Variants in ARMC9 observed in about 807,000 individuals in gnomAD.
ARMC9 encodes the protein armadillo repeat containing 9, also known as lisH domain-containing protein ARMC9.
Under a neutral mutation model 107.0 loss-of-function variants are expected in ARMC9, and 94 were observed. The observed-to-expected ratio is 0.88, with a 90% CI of 0.74 to 1.04. The LOEUF is 1.04. ARMC9 is among the 50% of genes least tolerant of loss of function. The probability of loss-of-function intolerance (pLI) is 0.00; values close to 1 mark genes in which losing one functional copy is unlikely to be tolerated. For synonymous variants in ARMC9, 380 were observed against 396.9 expected (o/e 0.96, Z 0.51); for missense variants, 942 against 1,030.1 (o/e 0.91, Z 1.17).
intron 20 of ARMC9, among the ~76,000 whole-genome samples, chr2:231,336,915 C>A (rs953554581): frequency 2.6e-5 from 4 of 152,174 alleles, no homozygotes; most frequent in African/African-American, 4.8e-5. Flanking sequence ...CTGAGGCCCT[C>A]CTAGGCTGGG....
At chr2:231,227,235 C>A (rs6437008) in intron 7 of ARMC9, among the ~76,000 whole-genome samples, 1 of 152,118 alleles carries the variant, frequency 6.6e-6, no homozygotes, top group Non-Finnish European at 1.5e-5. Flanking sequence ...TTTCCATTCC[C>A]AAGTAGGAAT....
intron 11 of ARMC9, among the ~76,000 whole-genome samples, chr2:231,260,903 T>C (rs2038274910): frequency 1.3e-5 from 2 of 152,156 alleles, no homozygotes; most frequent in Non-Finnish European, 2.9e-5. Flanking sequence ...CCCCCTCCAG[T>C]GCCCCCACCC....
At chr2:231,210,448 G>T (rs951302799) in intron 3 of ARMC9, among the ~76,000 whole-genome samples, 1 of 152,214 alleles carries the variant, frequency 6.6e-6, no homozygotes, top group South Asian at 2.1e-4. Context: ...TCTGGATGAA[G>T]AAAGACCTTT....
intron 9 of ARMC9, among the ~76,000 whole-genome samples, chr2:231,248,973 C>T (rs1357720305): frequency 6.6e-6 from 1 of 152,124 alleles, no homozygotes. Flanking sequence ...GTTCAAGGGG[C>T]CCTACATTCC....
At chr2:231,306,407 C>G (rs941766015) in intron 19 of ARMC9, among the ~76,000 whole-genome samples, 2 of 151,860 alleles carry the variant, frequency 1.3e-5, no homozygotes, top group Non-Finnish European at 2.9e-5. Context: ...GAGAATAATC[C>G]AATGTGAATA....
At chr2:231,282,510 A>T (rs2040292146) in intron 17 of ARMC9, among the ~76,000 whole-genome samples, 1 of 152,242 alleles carries the variant, frequency 6.6e-6, no homozygotes, top group African/African-American at 2.4e-5. Context: ...TTGTATGTGA[A>T]GTAAAAAGCA....
At chr2:231,338,758 A>T (rs189379042) in intron 20 of ARMC9, among the ~76,000 whole-genome samples, 81 of 151,926 alleles carry the variant, frequency 5.3e-4, no homozygotes, top group Non-Finnish European at 1.0e-3. Context: ...CTTGGCAAAC[A>T]CCTCATAGTT....
At chr2:231,319,377 T>C (rs1427058042) in intron 19 of ARMC9, among the ~76,000 whole-genome samples, 4 of 152,174 alleles carry the variant, frequency 2.6e-5, no homozygotes, top group African/African-American at 9.7e-5. Flanking sequence ...TTCTGCCATG[T>C]ACAAGCCTTA....
At chr2:231,279,061 G>A (rs575527109) in intron 16 of ARMC9, among the ~76,000 whole-genome samples, 2 of 152,292 alleles carry the variant, frequency 1.3e-5, no homozygotes, top group Admixed American at 1.3e-4. Flanking sequence ...GGGCATGGCT[G>A]CACCTGCCCC....
intron 9 of ARMC9, among the ~76,000 whole-genome samples, chr2:231,246,879 AC>A (rs1262286682): frequency 6.6e-6 from 1 of 150,380 alleles, no homozygotes; most frequent in Non-Finnish European, 1.5e-5. Flanking sequence ...TGCAGCTTCG[AC>A]CTCCTGGGCT....
In ARMC9 at chr2:231,297,255, C is replaced by T. The variant is rs2041437860; in HGVS notation, c.1773+1002C>T. Among the ~76,000 whole-genome samples the T allele has an allele frequency of 6.6e-6, 1 of 152,174 alleles. No homozygotes were observed. The highest frequency in any genetic ancestry group is 1.5e-5 in the Non-Finnish European group (1 of 68,034). On this transcript the variant is annotated intron_variant, in intron 19 of 24. Transcript: ENST00000611582. The surrounding 1 kb of genome is among the most constrained non-coding windows in gnomAD (Gnocchi z 4.2). ...ACGTGCTCCTGCTGGCTCTTCCTGC[C>T]TTGTCCAGCAGTGCAGAGCTTGACC...
intron 21 of ARMC9, among the ~76,000 whole-genome samples, chr2:231,345,749 C>G (rs370309128): frequency 2.0e-5 from 3 of 152,176 alleles, no homozygotes; most frequent in African/African-American, 7.2e-5. Context: ...CAAAATATTA[C>G]AGAGAGCAGG....
chr2:231,315,580 T>G (rs186530849), intron 19 of ARMC9, among the ~76,000 whole-genome samples: 1 of 152,192 alleles, frequency 6.6e-6, no homozygotes, highest in African/African-American at 2.4e-5. Flanking sequence ...ATGTAAGAAT[T>G]TATTTCTGGA....
chr2:231,335,218 T>C (rs2044006641), intron 20 of ARMC9, among the ~76,000 whole-genome samples: 2 of 152,134 alleles, frequency 1.3e-5, no homozygotes, highest in African/African-American at 4.8e-5. Flanking sequence ...GGCCAGCAGG[T>C]GTGATCCTGC....
chr2:231,256,136 G>T lies in ARMC9; in HGVS notation c.880-450G>T, dbSNP rs899496432. 7 of 1,544,764 alleles carry T rather than the reference G, an allele frequency of 4.5e-6. No individual in the cohort carries two copies. The African/African-American group carries it at 8.3e-5, about 18-fold the overall frequency. The stretch of plus-strand genomic sequence containing the variant: ...TGTGCAGCCTATCAAGCTGGCCAGG[G>T]TCACCAAGGTCCTGGGCAGGACCGG... On this transcript the variant is annotated intron_variant, in intron 9 of 24. Coordinates refer to ENST00000611582, the MANE Select transcript of ARMC9 (RefSeq NM_001352754.2).
At chr2:231,205,536 G>A (rs552252924) in intron 1 of ARMC9, among the ~76,000 whole-genome samples, 2 of 152,314 alleles carry the variant, frequency 1.3e-5, no homozygotes, top group South Asian at 2.1e-4. Flanking sequence ...TTTGGGCTGA[G>A]CCTGGGGTGT....
intron 23 of ARMC9, among the ~76,000 whole-genome samples, chr2:231,366,547 A>C (rs2125598027): frequency 6.6e-6 from 1 of 152,096 alleles, no homozygotes; most frequent in Admixed American, 6.5e-5. Context: ...AAAATAATAA[A>C]ATTTTAAAAA....
At chr2:231,222,445 C>T (rs1171608645) in intron 5 of ARMC9, among the ~76,000 whole-genome samples, 2 of 152,158 alleles carry the variant, frequency 1.3e-5, no homozygotes, top group Non-Finnish European at 2.9e-5. Context: ...TTCCTTGTCA[C>T]GACTGTGTTT....
chr2:231,316,769 TTTTG>T (rs2042711638), intron 19 of ARMC9, among the ~76,000 whole-genome samples: 1 of 152,160 alleles, frequency 6.6e-6, no homozygotes, highest in African/African-American at 2.4e-5. Context: ...CATTGTTTTG[TTTTG>T]TTTGTTTGTG....
Sources: gnomAD v4.1 joint callset for allele counts (sites outside exome capture counted in the v4.1 genomes callset) on GRCh38, gnomAD v4.1.1 for gene constraint, Gnocchi (gnomAD v3.1) non-coding constraint, MANE v1.5 for transcripts, NCBI Gene and HGNC (gene_info 2026-07-23, HGNC 2026-07-21) for gene names.